Variants in CDC42EP3 observed in about 807,000 individuals in gnomAD.
The protein encoded by CDC42EP3 is CDC42 effector protein 3.
A neutral mutation model predicts 15.5 loss-of-function variants in CDC42EP3; 4 were observed. The ratio of observed to expected loss-of-function variants is 0.26; its 90% CI spans 0.13 to 0.59. The LOEUF (loss-of-function observed/expected upper bound fraction) is 0.59. Among genes scored for constraint, CDC42EP3 ranks in the 20% least tolerant of loss-of-function variants. CDC42EP3 has a pLI of 0.89. For missense variants in CDC42EP3, 309 were observed against 311.2 expected (o/e 0.99, Z 0.05); for synonymous variants, 145 against 130.3 (o/e 1.11, Z -0.77).
intron 1 of CDC42EP3, among the ~76,000 whole-genome samples, chr2:37,656,982 C>CCCCCCCA (rs1558340376): frequency 7.2e-5 from 6 of 83,054 alleles, no homozygotes; most frequent in South Asian, 6.4e-4. Flanking sequence ...TAACAAAGCC[C>CCCCCCCA]CCCCCCCACC....
intron 1 of CDC42EP3, among the ~76,000 whole-genome samples, chr2:37,663,891 G>A (rs774489235): frequency 3.3e-5 from 5 of 152,266 alleles, no homozygotes; most frequent in Admixed American, 6.5e-5. Context: ...GCAGGCAGAG[G>A]AGGCCGGGCG....
intron 1 of CDC42EP3, among the ~76,000 whole-genome samples, chr2:37,659,617 T>C (rs1665991788): frequency 6.6e-6 from 1 of 152,244 alleles, no homozygotes; most frequent in Non-Finnish European, 1.5e-5. Context: ...TACAGTCCTC[T>C]GAATTCAAAC....
At chr2:37,671,647 GC>G (rs1488720787), upstream of CDC42EP3, 1 of 152,382 alleles carries the variant, frequency 6.6e-6, no homozygotes, top group Non-Finnish European at 1.5e-5. Flanking sequence ...GCGACTGAGC[GC>G]GGGGCGGCCG....
At chr2:37,672,738 C>G (rs1423991043), upstream of CDC42EP3, among the ~76,000 whole-genome samples, 1 of 152,214 alleles carries the variant, frequency 6.6e-6, no homozygotes, top group African/African-American at 2.4e-5. Context: ...GCTGGGACCC[C>G]TGGGAGTCGG....
chr2:37,654,506 A>G (rs770134931), intron 1 of CDC42EP3, among the ~76,000 whole-genome samples: 1 of 152,106 alleles, frequency 6.6e-6, no homozygotes, highest in Non-Finnish European at 1.5e-5. Flanking sequence ...CCTCCAAGTA[A>G]CAGCTCAGGT....
rs1168916551 is a variant in CDC42EP3, at chr2:37,642,147, T to G, written c.*3676A>C. 2 of 152,156 alleles carry G rather than the reference T, an allele frequency of 1.3e-5. No homozygotes were observed. The highest frequency in any genetic ancestry group is 3.8e-4 in the East Asian group (2 of 5,202). The allele number at this position is 152,156 out of a possible 1,614,324, so 9.4% of individuals were successfully genotyped here. Reference sequence around the variant, plus strand: ...CAGATGAAAAGCTTGCTGGATGAAATAGTGCACCATCAGAATAAAGCATGC... The same window carrying G: ...CAGATGAAAAGCTTGCTGGATGAAAGAGTGCACCATCAGAATAAAGCATGC... On this transcript the variant is annotated 3_prime_UTR_variant, in exon 2 of 2. Transcript: ENST00000295324.
intron 1 of CDC42EP3, among the ~76,000 whole-genome samples, chr2:37,663,803 G>C (rs1055431390): frequency 2.0e-5 from 3 of 152,154 alleles, no homozygotes; most frequent in Admixed American, 6.5e-5. Flanking sequence ...CATTTGAGTC[G>C]GTGAATTGGG....
Position 37,646,776 on chromosome 2 carries a change from T to A in CDC42EP3, c.-189A>T. The A allele has an allele frequency of 3.5e-6, 2 of 564,866 alleles. No individual in the cohort carries two copies. The highest frequency in any genetic ancestry group is 6.3e-6 in the Non-Finnish European group (2 of 317,298). 35.0% of individuals were successfully genotyped at this position (564,866 alleles called of 1,614,324 possible). ...GAGGTTACGGCCAAGTGAGGCTTCCTAGAGAGCCAGTTACATCATCCAGTC... is the reference window on the plus strand; with the variant it reads ...GAGGTTACGGCCAAGTGAGGCTTCCAAGAGAGCCAGTTACATCATCCAGTC... On this transcript the variant is annotated 5_prime_UTR_variant, in exon 2 of 2. Coordinates refer to ENST00000295324, the MANE Select transcript of CDC42EP3 (RefSeq NM_006449.5).
chr2:37,670,611 C>T (rs1481977952), intron 1 of CDC42EP3, among the ~76,000 whole-genome samples: 1 of 152,192 alleles, frequency 6.6e-6, no homozygotes, highest in East Asian at 1.9e-4. Context: ...GCAGCTTGTC[C>T]CAGCCACAGC....
At chr2:37,664,030 C>T (rs1034923820) in intron 1 of CDC42EP3, among the ~76,000 whole-genome samples, 12 of 152,096 alleles carry the variant, frequency 7.9e-5, no homozygotes, top group African/African-American at 2.4e-4. Context: ...AAAAATTAGC[C>T]GGTCGTTGTG....
rs902169821 is a variant in CDC42EP3, at chr2:37,642,753, G to A, written c.*3070C>T. 6.6e-6 allele frequency: 1 copy of A among 151,948 alleles called. No individual in the cohort carries two copies. The highest frequency in any genetic ancestry group is 1.5e-5 in the Non-Finnish European group (1 of 67,992). 9.4% of individuals were successfully genotyped at this position (151,948 alleles called of 1,614,324 possible). ...TTTTCCATTCCAGGACTTCATTTGCGGGGAGCCTTCAGAAAAAACAGGTCA... is the reference window on the plus strand; with the variant it reads ...TTTTCCATTCCAGGACTTCATTTGCAGGGAGCCTTCAGAAAAAACAGGTCA... On this transcript the variant is annotated 3_prime_UTR_variant, in exon 2 of 2. Coordinates refer to ENST00000295324, the MANE Select transcript of CDC42EP3 (RefSeq NM_006449.5).
In CDC42EP3 at chr2:37,646,564, G is replaced by A; in HGVS notation, c.24C>T (p.Tyr8=). Residue 8 remains tyrosine (Y), a synonymous_variant, in exon 2 of 2, where the codon TAC becomes TAT. Coordinates refer to ENST00000295324, the MANE Select transcript of CDC42EP3 (RefSeq NM_006449.5). ...CTTTCTTGTTATTGGCTGCTTTCAG[G>A]TAAATTGGGGTCTTGGCTGGCATTT... The part of the protein sequence containing the change: MPAKTPI[Y]LKAANNKKGK... The A allele has an allele frequency of 6.5e-7, 1 of 1,548,378 alleles. No individual in the cohort carries two copies. Among genetic ancestry groups the A allele is most frequent in the Non-Finnish European group, 8.7e-7 (1 of 1,151,102 alleles).
chr2:37,654,995 C>G (rs1665802977), intron 1 of CDC42EP3, among the ~76,000 whole-genome samples: 1 of 152,144 alleles, frequency 6.6e-6, no homozygotes, highest in Non-Finnish European at 1.5e-5. Context: ...CCAGAAGCAC[C>G]CAGTAACCCG....
intron 1 of CDC42EP3, among the ~76,000 whole-genome samples, chr2:37,655,027 TCA>T (rs991834210): frequency 6.6e-6 from 1 of 152,222 alleles, no homozygotes; most frequent in Non-Finnish European, 1.5e-5. Context: ...TTTCATATTT[TCA>T]GTCTGTTTAA....
upstream of CDC42EP3, chr2:37,672,266 G>A (rs17523989): frequency 0.092 from 14,087 of 152,482 alleles, 1,360 homozygotes; most frequent in East Asian, 0.46. Flanking sequence ...AAAACCCGGA[G>A]AGTGGAATAA....
intron 1 of CDC42EP3, among the ~76,000 whole-genome samples, chr2:37,662,959 G>A (rs892789909): frequency 6.6e-6 from 1 of 152,210 alleles, no homozygotes; most frequent in African/African-American, 2.4e-5. Flanking sequence ...GAGGTTAGGA[G>A]TTCGTGACCA....
At chr2:37,661,061 A>G (rs1048530199) in intron 1 of CDC42EP3, among the ~76,000 whole-genome samples, 4 of 152,000 alleles carry the variant, frequency 2.6e-5, no homozygotes, top group African/African-American at 9.7e-5. Context: ...TATAGGGAGT[A>G]GTATGTATGT....
chr2:37,649,850 G>A (rs949139347), intron 1 of CDC42EP3, among the ~76,000 whole-genome samples: 4 of 152,178 alleles, frequency 2.6e-5, no homozygotes, highest in Non-Finnish European at 4.4e-5. Context: ...AAGGGTTGGT[G>A]GGGAGGCTAC....
At chr2:37,671,358 C>T (rs1331533770) in intron 1 of CDC42EP3, 68 bp downstream of exon 1, 7 of 152,364 alleles carry the variant, frequency 4.6e-5, no homozygotes, top group Admixed American at 6.5e-5. Flanking sequence ...CGGAAGCGGC[C>T]ACGGCCGCGG....
Sources: gnomAD v4.1 joint callset for allele counts (sites outside exome capture counted in the v4.1 genomes callset) on GRCh38, gnomAD v4.1.1 for gene constraint, MANE v1.5 for transcripts, NCBI Gene and HGNC (gene_info 2026-07-23, HGNC 2026-07-21) for gene names.